IL11RA: variants seen among roughly 807,000 people sequenced by gnomAD.
IL11RA encodes interleukin 11 receptor subunit alpha.
IL11RA carries 51 observed loss-of-function variants against 57.0 expected under a neutral mutation model. The observed-to-expected ratio is 0.89, with a 90% confidence interval of 0.71 to 1.13. The LOEUF is 1.13. Among genes scored for constraint, IL11RA ranks in the 50% most tolerant of loss-of-function variants. The probability of loss-of-function intolerance (pLI) is 0.00; values close to 1 mark genes in which losing one functional copy is unlikely to be tolerated. For missense variants in IL11RA, 498 were observed against 539.4 expected (o/e 0.92, Z 0.76); for synonymous variants, 199 against 217.5 (o/e 0.91, Z 0.75).
In IL11RA at chr9:34,657,133, TACCTC is replaced by T; in HGVS notation, c.436_440del (p.Thr146LeufsTer10). On this transcript the variant is annotated frameshift_variant, in exon 5 of 13. Transcript: ENST00000441545. LOFTEE classifies it high-confidence loss of function. ...CCAGATCAGCGGTTTACCCACCCGC[TACCTC>T]ACCTCCTACAGGTGTGTGTGTGATT... is the stretch of plus-strand genomic sequence containing the variant. 6.2e-7 allele frequency: 1 copy of T among 1,613,950 alleles called. No individual in the cohort carries two copies. Among genetic ancestry groups the T allele is most frequent in the Non-Finnish European group, 8.5e-7 (1 of 1,179,806 alleles).
intron 3 of IL11RA, 80 bp downstream of exon 3, chr9:34,655,745 C>T (rs899652685): frequency 8.6e-7 from 1 of 1,164,442 alleles, no homozygotes; most frequent in Non-Finnish European, 1.3e-6. Flanking sequence ...CCGCCCCTCC[C>T]ATCCTTGCCC....
Position 34,655,597 on chromosome 9 carries a change from C to T in IL11RA, c.101-8C>T. On this transcript the variant is annotated splice_region_variant and splice_polypyrimidine_tract_variant and intron_variant, in intron 2 of 12. Transcript: ENST00000441545. Reference sequence around the variant, plus strand: ...GGAAGAGCCTTACCTCAGAAGTGCCCTCCACAGGGGTCCAGTATGGGCAGC... The same window carrying T: ...GGAAGAGCCTTACCTCAGAAGTGCCTTCCACAGGGGTCCAGTATGGGCAGC... 1 of 1,613,980 alleles carries T rather than the reference C, an allele frequency of 6.2e-7. No homozygotes were observed.
At position 34,655,297 on chromosome 9, in the gene IL11RA, C is replaced by A; in HGVS notation, c.80C>A (p.Pro27His). The change falls in exon 2 of 13, where the codon CCC (proline) becomes CAC (histidine). Residue 27 changes from proline (P) to histidine (H), a missense_variant. Coordinates refer to ENST00000441545, the MANE Select transcript of IL11RA (RefSeq NM_001142784.3). The stretch of plus-strand genomic sequence containing the variant: ...CTGGTGTCTGCCTCCTCCCCCTGCC[C>A]CCAGGCCTGGGGCCCCCCAGGTGAG... ...TALVSASSPC[P>H]QAWGPPGVQY... The A allele has an allele frequency of 6.2e-7, 1 of 1,608,178 alleles. No individual in the cohort carries two copies. Among genetic ancestry groups the A allele is most frequent in the South Asian group, 1.1e-5 (1 of 90,250 alleles).
In IL11RA at chr9:34,657,085, T is replaced by G; in HGVS notation, c.382T>G (p.Phe128Val). Reference sequence around the variant, plus strand: ...CTGCCAAGCAGCCGACTATGAGAACTTCTCTTGCACTTGGAGTCCCAGCCA... The same window carrying G: ...CTGCCAAGCAGCCGACTATGAGAACGTCTCTTGCACTTGGAGTCCCAGCCA... ...VSCQAADYEN[F>V]SCTWSPSQIS... The change falls in exon 5 of 13, where the codon TTC (phenylalanine) becomes GTC (valine). Residue 128 changes from phenylalanine (F) to valine (V), a missense_variant. Coordinates refer to ENST00000441545, the MANE Select transcript of IL11RA (RefSeq NM_001142784.3). The G allele has an allele frequency of 6.2e-7, 1 of 1,614,166 alleles. No individual in the cohort carries two copies. Among genetic ancestry groups the G allele is most frequent in the Non-Finnish European group, 8.5e-7 (1 of 1,180,036 alleles).
chr9:34,660,730 C>G lies in IL11RA; in HGVS notation c.1170-124C>G. The G allele has an allele frequency of 3.4e-6, 4 of 1,166,748 alleles. No homozygotes were observed. In the East Asian group the frequency reaches 9.3e-5, roughly 27 times the overall value. 72.3% of individuals were successfully genotyped at this position (1,166,748 alleles called of 1,614,324 possible). A position where few individuals can be genotyped will look rare whatever the true frequency, so the allele number is the denominator to read the frequency against. On this transcript the variant is annotated intron_variant, in intron 11 of 12. Transcript: ENST00000441545. ...TGATTCTGGAACTACCTCCCCATACCTCCATCCCCCATGCCCCACTTGATT... is the reference window on the plus strand; with the variant it reads ...TGATTCTGGAACTACCTCCCCATACGTCCATCCCCCATGCCCCACTTGATT...
chr9:34,653,394 G>A lies in IL11RA; in HGVS notation c.-1+1161G>A, dbSNP rs1821286461. On this transcript the variant is annotated intron_variant, in intron 1 of 12. Transcript: ENST00000441545. This position sits in a 1 kb window ranked among gnomAD's most constrained non-coding sequence, Gnocchi z 4.5. ...TTCCTGGTGCTGGGGCCCAAAGAAT[G>A]GAGGGGGAGGTGAGAAATGGCTGGA... Among the ~76,000 whole-genome samples, 4 of 152,162 alleles carry A rather than the reference G, an allele frequency of 2.6e-5. No individual in the cohort carries two copies. The highest frequency in any genetic ancestry group is 9.7e-5 in the African/African-American group (4 of 41,430).
chr9:34,661,778 G>T lies in IL11RA; in HGVS notation c.*280G>T. The T allele has an allele frequency of 2.6e-6, 2 of 775,566 alleles. No individual in the cohort carries two copies. Among genetic ancestry groups the T allele is most frequent in the Non-Finnish European group, 4.3e-6 (2 of 462,872 alleles). 48.0% of individuals were successfully genotyped at this position (775,566 alleles called of 1,614,324 possible). ...GTGAGGCAGGGAACATGTATTCTCT[G>T]CATGCATGTATGTAGGTGCCTGGGG... On this transcript the variant is annotated 3_prime_UTR_variant, in exon 13 of 13. Coordinates refer to ENST00000441545, the MANE Select transcript of IL11RA (RefSeq NM_001142784.3).
rs1340157677 is a variant in IL11RA, at chr9:34,656,902, C to CT, written c.326dup (p.Tyr111LeufsTer16). 6.2e-6 allele frequency: 10 copies of CT among 1,614,080 alleles called. No individual in the cohort carries two copies. Among genetic ancestry groups the CT allele is most frequent in the South Asian group, 1.1e-5 (1 of 91,078 alleles). On this transcript the variant is annotated frameshift_variant, in exon 4 of 13. Coordinates refer to ENST00000441545, the MANE Select transcript of IL11RA (RefSeq NM_001142784.3). LOFTEE classifies it high-confidence loss of function. The stretch of plus-strand genomic sequence containing the variant: ...ACTTGGGGGCACAGTGACCCTGCAG[C>CT]TGGGCTGTGAGTTGGGGAGGGTGGC...
chr9:34,654,189 C>T (rs1447679983), intron 1 of IL11RA, among the ~76,000 whole-genome samples: 5 of 152,088 alleles, frequency 3.3e-5, no homozygotes, highest in Non-Finnish European at 7.4e-5. Flanking sequence ...GTTCTCCATC[C>T]ACTTCACCAC....
rs1821372188 is a variant in IL11RA, at chr9:34,657,582, G to A, written c.641G>A (p.Ser214Asn). 6.2e-7 allele frequency: 1 copy of A among 1,613,974 alleles called. No homozygotes were observed. The highest frequency in any genetic ancestry group is 8.5e-7 in the Non-Finnish European group (1 of 1,179,958). The change falls in exon 7 of 13, where the codon AGC becomes AAC. Residue 214 changes from serine (S) to asparagine (N), a missense_variant. Ser to Asn is a conservative substitution (Grantham distance 46). Coordinates refer to ENST00000441545, the MANE Select transcript of IL11RA (RefSeq NM_001142784.3). Reference sequence around the variant, plus strand: ...CGCCTGCTGGATGTGAGCTTGCAGAGCATCTGTGAGTACCCACCCCAGACC... The same window carrying A: ...CGCCTGCTGGATGTGAGCTTGCAGAACATCTGTGAGTACCCACCCCAGACC... Reference protein sequence around the residue: ...STRLLDVSLQSILRPDPPQGL... With the variant: ...STRLLDVSLQNILRPDPPQGL...
rs1349404584 is a variant in IL11RA, at chr9:34,660,222, AC to A, written c.953-47del. On this transcript the variant is annotated intron_variant, in intron 9 of 12. Coordinates refer to ENST00000441545, the MANE Select transcript of IL11RA (RefSeq NM_001142784.3). ...GCCTTGGCCTTGAGCACAGGACGTGACCCCCGTCCCCACCAGCGTATGGACA... is the reference window on the plus strand; with the variant it reads ...GCCTTGGCCTTGAGCACAGGACGTGACCCCGTCCCCACCAGCGTATGGACA... 12 of 1,613,446 alleles carry A rather than the reference AC, an allele frequency of 7.4e-6. No homozygotes were observed. In the Admixed American group the frequency reaches 1.2e-4, roughly 16 times the overall value.
intron 11 of IL11RA, 93 bp downstream of exon 11, chr9:34,660,693 G>A (rs546852971): frequency 7.1e-6 from 9 of 1,262,846 alleles, no homozygotes; most frequent in South Asian, 4.8e-5. Flanking sequence ...ATGACTGCCC[G>A]CTGAACCTGT....
intron 1 of IL11RA, among the ~76,000 whole-genome samples, chr9:34,652,757 G>T (rs901134862): frequency 6.6e-6 from 1 of 152,148 alleles, no homozygotes; most frequent in Non-Finnish European, 1.5e-5. Context: ...TACCTCAAGA[G>T]CCCATGGGAC....
Position 34,658,776 on chromosome 9 carries a change from G to A in IL11RA, c.810+93G>A. 1 of 1,417,300 alleles carries A rather than the reference G, an allele frequency of 7.1e-7. No individual in the cohort carries two copies. The highest frequency in any genetic ancestry group is 2.3e-5 in the East Asian group (1 of 43,582). 87.8% of individuals were successfully genotyped at this position (1,417,300 alleles called of 1,614,324 possible). On this transcript the variant is annotated intron_variant, in intron 8 of 12. Coordinates refer to ENST00000441545, the MANE Select transcript of IL11RA (RefSeq NM_001142784.3). This position sits in a 1 kb window ranked among gnomAD's most constrained non-coding sequence, Gnocchi z 4.0. Reference sequence around the variant, plus strand: ...TCTGTATAGCTTTCCAGTGCTGGCAGGTCACTGAAGACCCAACACTTCCCT... The same window carrying A: ...TCTGTATAGCTTTCCAGTGCTGGCAAGTCACTGAAGACCCAACACTTCCCT...
At chr9:34,656,987 G>A in intron 4 of IL11RA, 48 bp from the exon 5 acceptor site, 1 of 1,607,988 alleles carries the variant, frequency 6.2e-7, no homozygotes, top group Non-Finnish European at 8.5e-7. Context: ...TCTGGGACCA[G>A]GAGGACCTGA....
intron 1 of IL11RA, among the ~76,000 whole-genome samples, chr9:34,652,681 T>A (rs1435014015): frequency 6.6e-6 from 1 of 152,116 alleles, no homozygotes; most frequent in Admixed American, 6.5e-5. Context: ...TTTGTGACTA[T>A]GTGTGTGTCC....
rs1821398992 is a variant in IL11RA, at chr9:34,658,820, T to C, written c.810+137T>C. 2.1e-6 allele frequency: 2 copies of C among 939,642 alleles called. No homozygotes were observed. The highest frequency in any genetic ancestry group is 1.6e-5 in the African/African-American group (1 of 61,714). The allele number at this position is 939,642 out of a possible 1,614,324, so 58.2% of individuals were successfully genotyped here. A position where few individuals can be genotyped will look rare whatever the true frequency, so the allele number is the denominator to read the frequency against. On this transcript the variant is annotated intron_variant, in intron 8 of 12. Transcript: ENST00000441545. The surrounding 1 kb of genome is among the most constrained non-coding windows in gnomAD (Gnocchi z 4.0). ...CTTCCCTGTGGGCCAGGCTTTGTAC[T>C]GGGTGCTGGGTTGCAGTGGTGACTG... is the stretch of plus-strand genomic sequence containing the variant.
intron 8 of IL11RA, among the ~76,000 whole-genome samples, chr9:34,659,049 C>T (rs749198558): frequency 1.3e-5 from 2 of 152,102 alleles, no homozygotes; most frequent in Non-Finnish European, 2.9e-5. Context: ...CTCAGCCTCC[C>T]GAGTAGCTGG....
In IL11RA at chr9:34,658,463, G is replaced by T; in HGVS notation, c.647-57G>T. The T allele has an allele frequency of 1.3e-6, 2 of 1,559,998 alleles. No individual in the cohort carries two copies. The highest frequency in any genetic ancestry group is 1.8e-6 in the Non-Finnish European group (2 of 1,130,620). On this transcript the variant is annotated intron_variant, in intron 7 of 12. Coordinates refer to ENST00000441545, the MANE Select transcript of IL11RA (RefSeq NM_001142784.3). The surrounding 1 kb of genome is among the most constrained non-coding windows in gnomAD (Gnocchi z 4.0). ...CTTTAAACACACACTTTGGGAAGTG[G>T]TGGGGAAGTGATGGAGACCCATAGC...
Sources: gnomAD v4.1 joint callset for allele counts (sites outside exome capture counted in the v4.1 genomes callset) on GRCh38, gnomAD v4.1.1 for gene constraint, Gnocchi (gnomAD v3.1) non-coding constraint, MANE v1.5 for transcripts, NCBI Gene and HGNC (gene_info 2026-07-23, HGNC 2026-07-21) for gene names.